ZFP3: variants seen among roughly 807,000 people sequenced by gnomAD.
ZFP3 encodes ZFP3 zinc finger protein, also known as zinc finger protein 3 homolog.
Under a neutral mutation model 36.7 loss-of-function variants are expected in ZFP3, and 18 were observed. The observed-to-expected ratio is 0.49, with a 90% CI of 0.34 to 0.73. The LOEUF is 0.73. ZFP3 is among the 30% of genes least tolerant of loss of function. The probability of loss-of-function intolerance (pLI) is 0.01; values close to 1 mark genes in which losing one functional copy is unlikely to be tolerated. For missense variants in ZFP3, 495 were observed against 599.0 expected (o/e 0.83, Z 1.81); for synonymous variants, 218 against 199.0 (o/e 1.10, Z -0.81).
intron 1 of ZFP3, among the ~76,000 whole-genome samples, chr17:5,084,567 G>T (rs960359744): frequency 1.3e-5 from 2 of 151,992 alleles, no homozygotes; most frequent in Non-Finnish European, 2.9e-5. Flanking sequence ...GAGCCACCGC[G>T]CCCGGCCTGA....
intron 1 of ZFP3, among the ~76,000 whole-genome samples, chr17:5,082,325 C>T (rs539345367): frequency 2.6e-5 from 4 of 151,772 alleles, no homozygotes; most frequent in African/African-American, 9.7e-5. Context: ...CCAGCCTGGG[C>T]GACAGAGTGA....
chr17:5,089,967 C>T (rs1314899972), intron 1 of ZFP3, among the ~76,000 whole-genome samples: 1 of 152,170 alleles, frequency 6.6e-6, no homozygotes, highest in Non-Finnish European at 1.5e-5. Flanking sequence ...CAAAAATGCA[C>T]TCTTTAAGTA....
Position 5,092,870 on chromosome 17 carries a change from AAAAC to A in ZFP3, c.1368_1371del (p.Lys456AsnfsTer90). 1.9e-6 allele frequency: 3 copies of A among 1,614,218 alleles called. No individual in the cohort carries two copies. The highest frequency in any genetic ancestry group is 2.5e-6 in the Non-Finnish European group (3 of 1,180,042). On this transcript the variant is annotated frameshift_variant, in exon 2 of 2. Transcript: ENST00000318833. LOFTEE classifies it high-confidence loss of function. This position sits in a 1 kb window ranked among gnomAD's most constrained non-coding sequence, Gnocchi z 5.0. ...ACCTTATGAATGTAGCGAGTGTGAGAAAACATTTAGCCAGCATTCCCAACTTATC... is the reference window on the plus strand; with the variant it reads ...ACCTTATGAATGTAGCGAGTGTGAGAATTTAGCCAGCATTCCCAACTTATC...
Position 5,091,976 on chromosome 17 carries a change from CAGCATATGAG to C in ZFP3, c.475_484del (p.His159PhefsTer27), listed in dbSNP as rs777343373. On this transcript the variant is annotated frameshift_variant, in exon 2 of 2. Coordinates refer to ENST00000318833, the MANE Select transcript of ZFP3 (RefSeq NM_153018.3). LOFTEE classifies it high-confidence loss of function. Reference sequence around the variant, plus strand: ...CTTTAATCAGAACTCACATCTCATCCAGCATATGAGAGTTCATAGTGGAGAAAAACCCTTT... The same window carrying C: ...CTTTAATCAGAACTCACATCTCATCCAGTTCATAGTGGAGAAAAACCCTTT... 2.5e-6 allele frequency: 4 copies of C among 1,614,024 alleles called. No homozygotes were observed. The highest frequency in any genetic ancestry group is 3.4e-6 in the Non-Finnish European group (4 of 1,179,930).
intron 1 of ZFP3, among the ~76,000 whole-genome samples, chr17:5,085,659 C>T (rs1597904582): frequency 6.6e-6 from 1 of 152,368 alleles, no homozygotes; most frequent in African/African-American, 2.4e-5. Flanking sequence ...TGAGCCACCA[C>T]ACCCGGCCCT....
At chr17:5,090,783 G>T (rs1225176657) in intron 1 of ZFP3, among the ~76,000 whole-genome samples, 1 of 151,908 alleles carries the variant, frequency 6.6e-6, no homozygotes, top group African/African-American at 2.4e-5. Flanking sequence ...CAATTGTCCT[G>T]CCTCAGCCCC....
intron 1 of ZFP3, among the ~76,000 whole-genome samples, chr17:5,081,682 A>G (rs1364432502): frequency 6.6e-6 from 1 of 151,236 alleles, no homozygotes. Flanking sequence ...GCTCACTGCA[A>G]GCTCTGCCTC....
Position 5,093,642 on chromosome 17 carries a change from T to G in ZFP3, c.*629T>G, listed in dbSNP as rs961904434. ...TCCACTGTTTAGCATTGGAATAATT[T>G]AGTAAGCTGTTATTAGCTTCAAAGT... On this transcript the variant is annotated 3_prime_UTR_variant, in exon 2 of 2. Coordinates refer to ENST00000318833, the MANE Select transcript of ZFP3 (RefSeq NM_153018.3). 1.2e-5 allele frequency: 2 copies of G among 167,068 alleles called. No individual in the cohort carries two copies. Among genetic ancestry groups the G allele is most frequent in the Non-Finnish European group, 2.9e-5 (2 of 68,134 alleles). The allele number at this position is 167,068 out of a possible 1,614,324, so 10.3% of individuals were successfully genotyped here. A position where few individuals can be genotyped will look rare whatever the true frequency, so the allele number is the denominator to read the frequency against.
At chr17:5,080,833 A>G (rs907235967) in intron 1 of ZFP3, among the ~76,000 whole-genome samples, 3 of 151,912 alleles carry the variant, frequency 2.0e-5, no homozygotes, top group African/African-American at 7.3e-5. Context: ...ATCTCCCTGG[A>G]TTCTCAGGCT....
chr17:5,080,043 G>GAA (rs111980978), intron 1 of ZFP3, among the ~76,000 whole-genome samples: 42 of 140,716 alleles, frequency 3.0e-4, no homozygotes, highest in Middle Eastern at 3.7e-3. Flanking sequence ...CATCTCCAAA[G>GAA]AAAAAAAAAA....
In ZFP3 at chr17:5,091,933, T is replaced by C; in HGVS notation, c.429T>C (p.Cys143=). 6.2e-7 allele frequency: 1 copy of C among 1,614,178 alleles called. No individual in the cohort carries two copies. The highest frequency in any genetic ancestry group is 1.3e-5 in the African/African-American group (1 of 75,050). Residue 143 remains cysteine, a synonymous_variant, in exon 2 of 2, where the codon TGT becomes TGC. Coordinates refer to ENST00000318833, the MANE Select transcript of ZFP3 (RefSeq NM_153018.3). ...RSSVGEKPHT[C]KECGKAFNQN... is the part of the protein sequence containing the mutation. ...CTGTGGGAGAAAAGCCTCATACATG[T>C]AAAGAATGTGGGAAAGCCTTTAATC...
chr17:5,078,518 G>C lies in ZFP3; in HGVS notation c.-66G>C, dbSNP rs1025172102. ...CAACAGCTGCGGGCTCTGTGCGAGC[G>C]GCCCAGCAGCGCGGAGCCTCAGCGG... is the stretch of plus-strand genomic sequence containing the variant. On this transcript the variant is annotated 5_prime_UTR_variant, in exon 1 of 2. Transcript: ENST00000318833. This position sits in a 1 kb window ranked among gnomAD's most constrained non-coding sequence, Gnocchi z 4.5. The C allele has an allele frequency of 2.6e-5, 4 of 152,262 alleles. No homozygotes were observed. Among genetic ancestry groups the C allele is most frequent in the African/African-American group, 9.6e-5 (4 of 41,460 alleles). 9.4% of individuals were successfully genotyped at this position (152,262 alleles called of 1,614,324 possible). A position where few individuals can be genotyped will look rare whatever the true frequency, so the allele number is the denominator to read the frequency against.
Position 5,092,867 on chromosome 17 carries a change from G to A in ZFP3, c.1363G>A (p.Glu455Lys). The A allele has an allele frequency of 6.2e-7, 1 of 1,614,184 alleles. No homozygotes were observed. The highest frequency in any genetic ancestry group is 8.5e-7 in the Non-Finnish European group (1 of 1,180,038). Residue 455 changes from glutamate to lysine, a missense_variant, in exon 2 of 2, where the codon GAG (glutamate) becomes AAG (lysine). Glu to Lys is a moderately conservative substitution (Grantham distance 56). This residue lies in a region of ZFP3 where 163 missense variants were observed against 178.4 expected (regional missense o/e 0.91). Transcript: ENST00000318833. The surrounding 1 kb of genome is among the most constrained non-coding windows in gnomAD (Gnocchi z 5.0). ...GEKPYECSEC[E>K]KTFSQHSQLI... ...GAAACCTTATGAATGTAGCGAGTGT[G>A]AGAAAACATTTAGCCAGCATTCCCA...
chr17:5,083,234 C>T (rs1423838436), intron 1 of ZFP3, among the ~76,000 whole-genome samples: 1 of 152,114 alleles, frequency 6.6e-6, no homozygotes, highest in Non-Finnish European at 1.5e-5. Context: ...GATGGATACA[C>T]CACATTAAGA....
chr17:5,081,226 T>C (rs998947887), intron 1 of ZFP3, among the ~76,000 whole-genome samples: 3 of 151,992 alleles, frequency 2.0e-5, no homozygotes, highest in African/African-American at 4.8e-5. Flanking sequence ...CCCGAGTAGC[T>C]GGGACTACAG....
chr17:5,080,889 C>T (rs573975413), intron 1 of ZFP3, among the ~76,000 whole-genome samples: 4 of 152,178 alleles, frequency 2.6e-5, no homozygotes, highest in Admixed American at 2.6e-4. Context: ...GGTGATTGGC[C>T]CCTCTTCACT....
In ZFP3 at chr17:5,094,291, A is replaced by G. The variant is rs993958967; in HGVS notation, c.*1278A>G. The G allele has an allele frequency of 2.4e-5, 4 of 166,998 alleles. No homozygotes were observed. The highest frequency in any genetic ancestry group is 1.9e-4 in the East Asian group (1 of 5,206). The allele number at this position is 166,998 out of a possible 1,614,324, so 10.3% of individuals were successfully genotyped here. On this transcript the variant is annotated 3_prime_UTR_variant, in exon 2 of 2. Coordinates refer to ENST00000318833, the MANE Select transcript of ZFP3 (RefSeq NM_153018.3). ...GGTCTTGAATGCCTGGGCTCCAGCAATCTTTTTGCCTCAACTTCCCAAAGT... is the reference window on the plus strand; with the variant it reads ...GGTCTTGAATGCCTGGGCTCCAGCAGTCTTTTTGCCTCAACTTCCCAAAGT...
intron 1 of ZFP3, among the ~76,000 whole-genome samples, chr17:5,087,690 C>T (rs2072128583): frequency 6.6e-6 from 1 of 152,130 alleles, no homozygotes; most frequent in African/African-American, 2.4e-5. Context: ...TACTGGAACC[C>T]AGACAGTGAG....
In ZFP3 at chr17:5,092,137, C is replaced by T. The variant is rs780492073; in HGVS notation, c.633C>T (p.His211=). 2 of 1,613,966 alleles carry T rather than the reference C, an allele frequency of 1.2e-6. No individual in the cohort carries two copies. Among genetic ancestry groups the T allele is most frequent in the South Asian group, 1.1e-5 (1 of 91,072 alleles). The change falls in exon 2 of 2, where the codon CAC becomes CAT. Residue 211 remains histidine, a synonymous_variant. Transcript: ENST00000318833. This position sits in a 1 kb window ranked among gnomAD's most constrained non-coding sequence, Gnocchi z 5.0. ...GAAAGGCCTTCATTCAGAGTTCACA[C>T]CTTATTCACCATCATAGAATTCATA... ...ECGKAFIQSS[H]LIHHHRIHTG...
Sources: gnomAD v4.1 joint callset for allele counts (sites outside exome capture counted in the v4.1 genomes callset) on GRCh38, gnomAD v4.1.1 for gene constraint, gnomAD v4.1.1 regional missense constraint, Gnocchi (gnomAD v3.1) non-coding constraint, MANE v1.5 for transcripts, NCBI Gene and HGNC (gene_info 2026-07-23, HGNC 2026-07-21) for gene names.